Variants in DEF8 observed in about 807,000 individuals in gnomAD.
The protein encoded by DEF8 is differentially expressed in FDCP 8 homolog.
DEF8 carries 38 observed loss-of-function variants against 59.1 expected under a neutral mutation model. That is an observed-to-expected ratio of 0.64 (90% CI 0.50 to 0.84). The LOEUF is 0.84. Ranked by LOEUF, DEF8 falls within the 40% of genes least tolerant of loss-of-function variation. The probability of loss-of-function intolerance (pLI) is 0.00; values close to 1 mark genes in which losing one functional copy is unlikely to be tolerated. For missense variants in DEF8, 557 were observed against 615.2 expected (o/e 0.91, Z 1.00); for synonymous variants, 265 against 250.1 (o/e 1.06, Z -0.56).
chr16:89,955,284 G>A lies in DEF8; in HGVS notation c.222+18G>A, dbSNP rs373244243. The A allele has an allele frequency of 2.4e-5, 38 of 1,604,132 alleles. No individual in the cohort carries two copies. The highest frequency in any genetic ancestry group is 9.4e-5 in the African/African-American group (7 of 74,674). The stretch of plus-strand genomic sequence containing the variant: ...GCCCTGTGGTAAGGTTTTAGATCTC[G>A]GAGGGGAGAGGGACTGAGGGAACCC... On this transcript the variant is annotated intron_variant, in intron 4 of 12. Coordinates refer to ENST00000563594, the MANE Select transcript of DEF8 (RefSeq NM_001242818.2).
chr16:89,963,223 T>G, intron 9 of DEF8, 140 bp from the exon 10 acceptor site: 1 of 625,234 alleles, frequency 1.6e-6, no homozygotes, highest in Non-Finnish European at 2.7e-6. Context: ...GATTTTGGGT[T>G]TTGGTGAAGC....
intron 5 of DEF8, 22 bp downstream of exon 5, chr16:89,957,682 C>T (rs576368067): frequency 7.2e-6 from 11 of 1,529,768 alleles, no homozygotes; most frequent in South Asian, 2.5e-5. Flanking sequence ...GCCGCCCCGC[C>T]GTGGGGCAGC....
rs544199454 is a variant in DEF8, at chr16:89,950,791, G to C, written c.-11+1278G>C. Reference sequence around the variant, plus strand: ...AGCCAGGAGTTTGAGACCAGCCTGGGCATCAGAGTGAGACTCCGTCTCTAC... The same window carrying C: ...AGCCAGGAGTTTGAGACCAGCCTGGCCATCAGAGTGAGACTCCGTCTCTAC... On this transcript the variant is annotated intron_variant, in intron 2 of 12. Coordinates refer to ENST00000563594, the MANE Select transcript of DEF8 (RefSeq NM_001242818.2). Among the ~76,000 whole-genome samples the C allele has an allele frequency of 1.0e-3, 157 of 152,108 alleles. 2 individuals are homozygous for C. Among genetic ancestry groups the C allele is most frequent in the African/African-American group, 3.5e-3 (143 of 41,448 alleles).
chr16:89,957,099 T>G (rs2033334639), intron 4 of DEF8, among the ~76,000 whole-genome samples: 1 of 152,210 alleles, frequency 6.6e-6, no homozygotes. Flanking sequence ...GGCATGTGCT[T>G]GGGCTTGGCA....
In DEF8 at chr16:89,954,265, G is replaced by T; in HGVS notation, c.13G>T (p.Glu5Ter). The T allele has an allele frequency of 1.2e-6, 2 of 1,612,926 alleles. No individual in the cohort carries two copies. Among genetic ancestry groups the T allele is most frequent in the Non-Finnish European group, 1.7e-6 (2 of 1,179,934 alleles). Residue 5 changes from glutamate to a stop codon, truncating the protein, a stop_gained, in exon 3 of 13, where the codon GAG becomes TAG. Transcript: ENST00000563594. LOFTEE classifies it high-confidence loss of function. This position sits in a 1 kb window ranked among gnomAD's most constrained non-coding sequence, Gnocchi z 4.3. ...CAGGTGGGATGCTATGGAATATGAT[G>T]AGAAGCTGGCCCGTTTCCGGCAGGC... The part of the protein sequence containing the change: MEYD[E>*]KLARFRQAHL...
chr16:89,954,218 C>G lies in DEF8; in HGVS notation c.-10-25C>G, dbSNP rs751306182. 21 of 1,607,368 alleles carry G rather than the reference C, an allele frequency of 1.3e-5. No homozygotes were observed. Among genetic ancestry groups the G allele is most frequent in the Non-Finnish European group, 1.7e-5 (20 of 1,177,556 alleles). On this transcript the variant is annotated intron_variant, in intron 2 of 12. Transcript: ENST00000563594. This position sits in a 1 kb window ranked among gnomAD's most constrained non-coding sequence, Gnocchi z 4.3. The stretch of plus-strand genomic sequence containing the variant: ...GTGGTGAGCCTGGTACCTGGGGACT[C>G]ATCCTGGCCCTGCCTGGCCCTCAGG...
intron 9 of DEF8, among the ~76,000 whole-genome samples, chr16:89,962,646 A>G (rs1041892863): frequency 6.6e-6 from 1 of 152,226 alleles, no homozygotes; most frequent in African/African-American, 2.4e-5. Flanking sequence ...ACAAGAGCGA[A>G]ACTCTGTCTC....
rs560418787 is a variant in DEF8 at position 89,961,349 on chromosome 16, C to T, written c.679+254C>T. Among the ~76,000 whole-genome samples the T allele has an allele frequency of 5.9e-5, 9 of 152,328 alleles. No homozygotes were observed. In the East Asian group the frequency reaches 1.2e-3, roughly 20 times the overall value. On this transcript the variant is annotated intron_variant, in intron 7 of 12. Transcript: ENST00000563594. ...ACCTGGAGGGCTGGGACCTGGCCTC[C>T]GCCTCCCCGTGTGAAAGCCTCATAG...
chr16:89,958,592 C>T (rs1019164117), intron 5 of DEF8: 6 of 191,438 alleles, frequency 3.1e-5, no homozygotes, highest in Admixed American at 5.3e-5. Context: ...AAGATGTGTT[C>T]GTTTCCTCAC....
chr16:89,951,674 C>T (rs1025007033), intron 2 of DEF8, among the ~76,000 whole-genome samples: 1 of 152,192 alleles, frequency 6.6e-6, no homozygotes, highest in East Asian at 1.9e-4. Context: ...CAGTCCCCTG[C>T]AATCACGTCA....
At chr16:89,955,292 G>A (rs1362877248) in intron 4 of DEF8, 26 bp downstream of exon 4, 11 of 1,588,390 alleles carry the variant, frequency 6.9e-6, no homozygotes, top group Non-Finnish European at 9.5e-6. Context: ...TCGGAGGGGA[G>A]AGGGACTGAG....
intron 9 of DEF8, among the ~76,000 whole-genome samples, chr16:89,962,745 A>G (rs2034196132): frequency 6.6e-6 from 1 of 152,284 alleles, no homozygotes; most frequent in African/African-American, 2.4e-5. Flanking sequence ...TCAACATGAA[A>G]TCAATGTACA....
chr16:89,957,141 G>T, intron 4 of DEF8: 1 of 165,916 alleles, frequency 6.0e-6, no homozygotes, highest in Middle Eastern at 2.8e-3. Context: ...TGTCCTTCAT[G>T]ACAGCAAATG....
In DEF8 at chr16:89,957,627, C is replaced by T; in HGVS notation, c.339C>T (p.Leu113=). The T allele has an allele frequency of 1.9e-6, 3 of 1,573,066 alleles. No individual in the cohort carries two copies. The highest frequency in any genetic ancestry group is 1.2e-5 in the South Asian group (1 of 86,074). ...SEKQKDAVVR[L]IHLRLKLQEL... The stretch of plus-strand genomic sequence containing the variant: ...AGCAGAAGGATGCCGTGGTGCGACT[C>T]ATCCACCTCCGGCTGAAGCTCCAGG... Residue 113 remains leucine (L), a synonymous_variant, in exon 5 of 13, where the codon CTC becomes CTT. Coordinates refer to ENST00000563594, the MANE Select transcript of DEF8 (RefSeq NM_001242818.2).
chr16:89,966,736 G>C lies in DEF8; in HGVS notation c.*773G>C, dbSNP rs558403261. The stretch of plus-strand genomic sequence containing the variant: ...TAGGAGGCTGTGGCCCCAGCCTGAG[G>C]AGGGTGTCCTGGCCTCCAGGTGTGC... On this transcript the variant is annotated 3_prime_UTR_variant, in exon 13 of 13. Coordinates refer to ENST00000563594, the MANE Select transcript of DEF8 (RefSeq NM_001242818.2). 6.5e-6 allele frequency: 1 copy of C among 152,860 alleles called. No individual in the cohort carries two copies. The highest frequency in any genetic ancestry group is 2.4e-5 in the African/African-American group (1 of 41,462). The allele number at this position is 152,860 out of a possible 1,614,324, so 9.5% of individuals were successfully genotyped here. A position where few individuals can be genotyped will look rare whatever the true frequency, so the allele number is the denominator to read the frequency against.
Position 89,957,084 on chromosome 16 carries a change from C to G in DEF8, c.223-427C>G, listed in dbSNP as rs1436548872. Among the ~76,000 whole-genome samples, 7 of 152,238 alleles carry G rather than the reference C, an allele frequency of 4.6e-5. No homozygotes were observed. In the East Asian group the frequency reaches 1.3e-3, roughly 29 times the overall value. On this transcript the variant is annotated intron_variant, in intron 4 of 12. Coordinates refer to ENST00000563594, the MANE Select transcript of DEF8 (RefSeq NM_001242818.2). ...AAGCAACCAGAAGTGCTGGGGCTGG[C>G]TCTCGGCATGTGCTTGGGCTTGGCA...
intron 2 of DEF8, among the ~76,000 whole-genome samples, chr16:89,951,502 C>T (rs184873029): frequency 6.6e-6 from 1 of 152,330 alleles, no homozygotes; most frequent in Non-Finnish European, 1.5e-5. Flanking sequence ...ACTTCTGCTT[C>T]CCAAAGTGCT....
rs369612064 is a variant in DEF8 at position 89,960,542 on chromosome 16, G to A, written c.515-389G>A. ...TACAAAAACAACAACAACAAAAACA[G>A]AGAGAGAGAAACCCTTCAGGATAAC... On this transcript the variant is annotated intron_variant, in intron 6 of 12. Transcript: ENST00000563594. Among the ~76,000 whole-genome samples the A allele has an allele frequency of 1.3e-4, 19 of 151,314 alleles. No individual in the cohort carries two copies. The South Asian group carries it at 3.8e-3, about 30-fold the overall frequency.
Position 89,965,842 on chromosome 16 carries a change from G to T in DEF8, c.1254-19G>T. On this transcript the variant is annotated intron_variant, in intron 12 of 12. Coordinates refer to ENST00000563594, the MANE Select transcript of DEF8 (RefSeq NM_001242818.2). ...TGGAGTTTCCTGTGCAGAGAGCCCC[G>T]ACCTCTTTCTGCCCCCAGGGACTGC... The T allele has an allele frequency of 4.4e-6, 7 of 1,581,002 alleles. No individual in the cohort carries two copies. The highest frequency in any genetic ancestry group is 1.1e-5 in the South Asian group (1 of 89,780).
Sources: gnomAD v4.1 joint callset for allele counts (sites outside exome capture counted in the v4.1 genomes callset) on GRCh38, gnomAD v4.1.1 for gene constraint, Gnocchi (gnomAD v3.1) non-coding constraint, MANE v1.5 for transcripts, NCBI Gene and HGNC (gene_info 2026-07-23, HGNC 2026-07-21) for gene names.